The following PRKAR1B variants were observed in gnomAD, a reference collection of about 807,000 sequenced individuals.
The protein encoded by PRKAR1B is cAMP-dependent protein kinase type I-beta regulatory subunit.
In PRKAR1B, 22 loss-of-function variants were observed where a neutral mutation model predicts 46.5. The ratio of observed to expected loss-of-function variants is 0.47; its 90% CI spans 0.34 to 0.68. The LOEUF (loss-of-function observed/expected upper bound fraction) is 0.68, where lower values mean the gene tolerates loss of function less well. Ranked by LOEUF, PRKAR1B falls within the 30% of genes least tolerant of loss-of-function variation. The pLI is 0.01. For synonymous variants in PRKAR1B, 259 were observed against 217.7 expected (o/e 1.19, Z -1.67); for missense variants, 445 against 535.6 (o/e 0.83, Z 1.67).
intron 5 of PRKAR1B, among the ~76,000 whole-genome samples, chr7:607,007 A>ATG (rs1382317969): frequency 2.0e-5 from 3 of 152,084 alleles, no homozygotes; most frequent in Non-Finnish European, 4.4e-5. Context: ...GTCTATATAT[A>ATG]TCCTTTTGAA....
At chr7:678,387 G>C (rs538597390) in intron 3 of PRKAR1B, among the ~76,000 whole-genome samples, 6 of 152,318 alleles carry the variant, frequency 3.9e-5, no homozygotes, top group Non-Finnish European at 8.8e-5. Context: ...TGGTCATGTA[G>C]TGTGTGCCTG....
At chr7:571,700 C>T (rs926665845) in intron 9 of PRKAR1B, among the ~76,000 whole-genome samples, 7 of 152,092 alleles carry the variant, frequency 4.6e-5, no homozygotes, top group African/African-American at 4.8e-5. Context: ...GGGAGGTCTC[C>T]GGGAGGGGAA....
intron 9 of PRKAR1B, among the ~76,000 whole-genome samples, chr7:561,402 C>T (rs578160951): frequency 3.9e-5 from 6 of 152,208 alleles, no homozygotes; most frequent in Non-Finnish European, 8.8e-5. Flanking sequence ...TTTAAGCAAC[C>T]GTTGCAATAA....
chr7:652,363 C>G (rs1293981535), intron 4 of PRKAR1B, among the ~76,000 whole-genome samples: 1 of 150,316 alleles, frequency 6.7e-6, no homozygotes, highest in African/African-American at 2.5e-5. Context: ...AGCTAGGAAC[C>G]TGGGGAAACC....
intron 4 of PRKAR1B, among the ~76,000 whole-genome samples, chr7:673,078 A>AAC (rs66654583): frequency 7.6e-6 from 1 of 131,740 alleles, no homozygotes. Flanking sequence ...AAAAAAAAAA[A>AAC]CACACACACA....
chr7:690,211 G>C (rs1463867716), intron 2 of PRKAR1B, among the ~76,000 whole-genome samples: 7 of 151,700 alleles, frequency 4.6e-5, no homozygotes, highest in African/African-American at 1.7e-4. Flanking sequence ...CAGGAGAATC[G>C]CTTGAACCCA....
At chr7:664,583 C>A (rs755321892) in intron 4 of PRKAR1B, among the ~76,000 whole-genome samples, 22 of 152,160 alleles carry the variant, frequency 1.4e-4, no homozygotes, top group Non-Finnish European at 3.1e-4. Context: ...GTACCGGAGA[C>A]CACACACCAC....
chr7:614,363 T>C (rs553519567), intron 4 of PRKAR1B, among the ~76,000 whole-genome samples: 1 of 152,348 alleles, frequency 6.6e-6, no homozygotes, highest in South Asian at 2.1e-4. Context: ...GCCTTTCACC[T>C]GAGAGAACGC....
At chr7:633,136 A>C (rs1369925681) in intron 4 of PRKAR1B, among the ~76,000 whole-genome samples, 2 of 152,152 alleles carry the variant, frequency 1.3e-5, no homozygotes. Flanking sequence ...CGCTGTCAAA[A>C]TCCTCCCCCA....
chr7:724,387 C>A (rs534790212), intron 1 of PRKAR1B, among the ~76,000 whole-genome samples: 1 of 152,126 alleles, frequency 6.6e-6, no homozygotes, highest in Non-Finnish European at 1.5e-5. Flanking sequence ...ATAAGTCTCA[C>A]GAGATCTGAC....
At chr7:614,335 C>T (rs533713547) in intron 4 of PRKAR1B, among the ~76,000 whole-genome samples, 1 of 152,366 alleles carries the variant, frequency 6.6e-6, no homozygotes, top group African/African-American at 2.4e-5. Flanking sequence ...GGTCTTCTGA[C>T]AAAAGGCTGG....
chr7:724,936 C>T (rs936002747), intron 1 of PRKAR1B, among the ~76,000 whole-genome samples: 2 of 152,190 alleles, frequency 1.3e-5, no homozygotes, highest in Admixed American at 6.5e-5. Flanking sequence ...ACTGATGGGC[C>T]GGGCGTGGTG....
At chr7:612,697 T>C (rs561827006) in intron 4 of PRKAR1B, among the ~76,000 whole-genome samples, 1 of 152,268 alleles carries the variant, frequency 6.6e-6, no homozygotes. Context: ...GCAACAAATA[T>C]CAAAAGCTGC....
At chr7:607,534 G>T in intron 4 of PRKAR1B, 82 bp from the exon 5 acceptor site, 1 of 1,208,676 alleles carries the variant, frequency 8.3e-7, no homozygotes, top group Non-Finnish European at 1.2e-6. Context: ...TCACAGTCTT[G>T]TGTAAATCGC....
At chr7:569,453 C>T (rs529558383) in intron 9 of PRKAR1B, among the ~76,000 whole-genome samples, 12 of 152,346 alleles carry the variant, frequency 7.9e-5, no homozygotes, top group African/African-American at 2.6e-4. Context: ...GCTGCTGGGC[C>T]GAACGTCCAG....
chr7:605,592 G>A (rs143690118), intron 6 of PRKAR1B, among the ~76,000 whole-genome samples: 5 of 152,298 alleles, frequency 3.3e-5, no homozygotes, highest in Non-Finnish European at 5.9e-5. Flanking sequence ...CATCGGGCAC[G>A]AGACGGGGTC....
intron 2 of PRKAR1B, among the ~76,000 whole-genome samples, chr7:703,431 G>T (rs1012951740): frequency 2.6e-5 from 4 of 152,082 alleles, no homozygotes; most frequent in Non-Finnish European, 4.4e-5. Context: ...TGGATCACGA[G>T]GTCAAGAGAT....
At chr7:571,034 G>A (rs1779479438) in intron 9 of PRKAR1B, among the ~76,000 whole-genome samples, 1 of 152,238 alleles carries the variant, frequency 6.6e-6, no homozygotes, top group Non-Finnish European at 1.5e-5. Flanking sequence ...CGGGACCGGA[G>A]CTGATGCCTG....
At chr7:559,162 G>A (rs1360767515) in intron 9 of PRKAR1B, among the ~76,000 whole-genome samples, 1 of 152,220 alleles carries the variant, frequency 6.6e-6, no homozygotes, top group Non-Finnish European at 1.5e-5. Flanking sequence ...ACCAGGACTC[G>A]GCACCCAGAG....
Sources: gnomAD v4.1 joint callset for allele counts (sites outside exome capture counted in the v4.1 genomes callset) on GRCh38, gnomAD v4.1.1 for gene constraint, MANE v1.5 for transcripts, NCBI Gene and HGNC (gene_info 2026-07-23, HGNC 2026-07-21) for gene names.